LRRC4C: variants seen among roughly 807,000 people sequenced by gnomAD.
LRRC4C encodes leucine-rich repeat-containing protein 4C.
A neutral mutation model predicts 33.6 loss-of-function variants in LRRC4C; 5 were observed. The ratio of observed to expected loss-of-function variants is 0.15; its 90% CI spans 0.08 to 0.31. LRRC4C has a LOEUF of 0.31. Among genes scored for constraint, LRRC4C ranks in the 10% least tolerant of loss-of-function variants. The pLI, the probability that LRRC4C is intolerant of heterozygous loss-of-function variation, is 1.00. For synonymous variants in LRRC4C, 329 were observed against 302.0 expected (o/e 1.09, Z -0.93); for missense variants, 560 against 796.7 (o/e 0.70, Z 3.58).
At chr11:40,777,953 G>T (rs1026839210) in intron 2 of LRRC4C, among the ~76,000 whole-genome samples, 6 of 152,104 alleles carry the variant, frequency 3.9e-5, no homozygotes, top group Admixed American at 6.5e-5. Flanking sequence ...CTCCCAAAGT[G>T]CTGGGATTAC....
chr11:40,210,957 A>T (rs1026951558), intron 5 of LRRC4C, among the ~76,000 whole-genome samples: 1 of 151,826 alleles, frequency 6.6e-6, no homozygotes, highest in Non-Finnish European at 1.5e-5. Flanking sequence ...TTGTATTTTT[A>T]GTAGAGACGG....
rs189845821 is a variant in LRRC4C, at chr11:40,489,289, C to G, written c.-270+158853G>C. ...TAACCTTATCTTTATGTAAGTCACT[C>G]TCTGCCTACAATGTCCCCCTTGCTC... On this transcript the variant is annotated intron_variant, in intron 3 of 6. Transcript: ENST00000528697. 4.6e-3 allele frequency among the ~76,000 whole-genome samples: 698 copies of G among 152,208 alleles called. 7 individuals carry two copies. Among genetic ancestry groups the G allele is most frequent in the Non-Finnish European group, 8.0e-3 (542 of 67,986 alleles).
At chr11:41,238,758 A>G (rs1948125033) in intron 1 of LRRC4C, among the ~76,000 whole-genome samples, 1 of 152,182 alleles carries the variant, frequency 6.6e-6, no homozygotes, top group Non-Finnish European at 1.5e-5. Flanking sequence ...TACTATCATT[A>G]TATAAAGATC....
intron 3 of LRRC4C, among the ~76,000 whole-genome samples, chr11:40,598,431 G>A (rs576657228): frequency 9.2e-5 from 14 of 152,264 alleles, no homozygotes; most frequent in African/African-American, 2.2e-4. Context: ...TCACAAACCC[G>A]TCTGTTACCC....
At chr11:41,442,320 TATAAAC>T (rs1319373849) in intron 1 of LRRC4C, among the ~76,000 whole-genome samples, 1 of 152,040 alleles carries the variant, frequency 6.6e-6, no homozygotes, top group African/African-American at 2.4e-5. Context: ...ACCAAAAACA[TATAAAC>T]ATATCATTTA....
intron 1 of LRRC4C, among the ~76,000 whole-genome samples, chr11:41,322,433 C>T (rs1950985726): frequency 6.6e-6 from 1 of 151,858 alleles, no homozygotes; most frequent in Non-Finnish European, 1.5e-5. Flanking sequence ...CACCTATCAA[C>T]ATTCCCTTAA....
chr11:40,509,438 G>A (rs956932703), intron 3 of LRRC4C, among the ~76,000 whole-genome samples: 2 of 151,984 alleles, frequency 1.3e-5, no homozygotes, highest in African/African-American at 2.4e-5. Context: ...GAAGAAAAAT[G>A]TAAATGATAG....
chr11:40,323,797 G>A lies in LRRC4C; in HGVS notation c.-269-4076C>T, dbSNP rs142041671. On this transcript the variant is annotated intron_variant, in intron 3 of 6. Transcript: ENST00000528697. ...ACCCTCTATTGAATGAGGTAGTAGC[G>A]TATACAAACAATTATAGAATAATAT... Among the ~76,000 whole-genome samples the A allele has an allele frequency of 6.4e-3, 978 of 152,222 alleles. 9 individuals carry two copies. The highest frequency in any genetic ancestry group is 0.027 in the Middle Eastern group (8 of 294).
intron 2 of LRRC4C, among the ~76,000 whole-genome samples, chr11:40,917,586 G>A (rs1187051148): frequency 6.6e-6 from 1 of 152,098 alleles, no homozygotes; most frequent in East Asian, 1.9e-4. Flanking sequence ...AAATGACTGA[G>A]GCTTTAGCAT....
chr11:40,667,492 C>A (rs971505107), intron 2 of LRRC4C, among the ~76,000 whole-genome samples: 3 of 152,162 alleles, frequency 2.0e-5, no homozygotes, highest in Non-Finnish European at 4.4e-5. Flanking sequence ...TGTTTCTAGT[C>A]AAGGGAATAT....
intron 1 of LRRC4C, among the ~76,000 whole-genome samples, chr11:41,423,082 G>C (rs1954926687): frequency 6.6e-6 from 1 of 152,074 alleles, no homozygotes; most frequent in Admixed American, 6.6e-5. Flanking sequence ...ACAGTGTAAT[G>C]ATACCCAGTA....
chr11:41,326,985 A>G (rs968583358), intron 1 of LRRC4C, among the ~76,000 whole-genome samples: 1 of 152,158 alleles, frequency 6.6e-6, no homozygotes, highest in African/African-American at 2.4e-5. Flanking sequence ...TATCTAGGGC[A>G]AGAAACCTAT....
intron 2 of LRRC4C, among the ~76,000 whole-genome samples, chr11:40,815,107 C>G (rs1951652867): frequency 2.0e-5 from 3 of 152,106 alleles, no homozygotes; most frequent in Non-Finnish European, 2.9e-5. Context: ...ATACACAAGA[C>G]TTGGTAATTT....
chr11:41,404,484 G>C (rs1247771205), intron 1 of LRRC4C, among the ~76,000 whole-genome samples: 13 of 123,536 alleles, frequency 1.1e-4, no homozygotes, highest in African/African-American at 5.9e-4. Flanking sequence ...GTGTGTGTCT[G>C]TGTGTGTGTG....
intron 1 of LRRC4C, among the ~76,000 whole-genome samples, chr11:41,380,068 G>A (rs1953086437): frequency 6.6e-6 from 1 of 152,110 alleles, no homozygotes. Flanking sequence ...GAAATTTTAA[G>A]GAGGTAAACT....
At chr11:41,292,496 G>A (rs1950020645) in intron 1 of LRRC4C, among the ~76,000 whole-genome samples, 1 of 151,954 alleles carries the variant, frequency 6.6e-6, no homozygotes, top group African/African-American at 2.4e-5. Context: ...ACAGAATAAT[G>A]TCAGGGGAGG....
intron 5 of LRRC4C, among the ~76,000 whole-genome samples, chr11:40,219,859 T>C (rs936418988): frequency 6.6e-6 from 1 of 152,142 alleles, no homozygotes; most frequent in Non-Finnish European, 1.5e-5. Context: ...CTGTATATAG[T>C]ATTCATGCTA....
intron 1 of LRRC4C, among the ~76,000 whole-genome samples, chr11:41,401,867 CA>C (rs1423000740): frequency 2.6e-5 from 4 of 152,040 alleles, no homozygotes; most frequent in African/African-American, 9.6e-5. Context: ...TGATCCCTCT[CA>C]TTTTTCTCTA....
intron 1 of LRRC4C, among the ~76,000 whole-genome samples, chr11:41,365,486 C>T (rs371722116): frequency 1.3e-5 from 2 of 152,122 alleles, no homozygotes; most frequent in African/African-American, 2.4e-5. Flanking sequence ...CCATGGAAAA[C>T]TTGTCTTCCA....
Sources: gnomAD v4.1 joint callset for allele counts (sites outside exome capture counted in the v4.1 genomes callset) on GRCh38, gnomAD v4.1.1 for gene constraint, MANE v1.5 for transcripts, NCBI Gene and HGNC (gene_info 2026-07-23, HGNC 2026-07-21) for gene names.